Variants in VPS13B observed in about 807,000 individuals in gnomAD.
The protein encoded by VPS13B is intermembrane lipid transfer protein VPS13B.
VPS13B carries 285 observed loss-of-function variants against 426.4 expected under a neutral mutation model. The ratio of observed to expected loss-of-function variants is 0.67; its 90% CI spans 0.61 to 0.74. The LOEUF (loss-of-function observed/expected upper bound fraction) is 0.74. Ranked by LOEUF, VPS13B falls within the 30% of genes least tolerant of loss-of-function variation. The pLI is 0.00. For missense variants in VPS13B, 4,537 were observed against 4,782.6 expected (o/e 0.95, Z 1.51); for synonymous variants, 1,676 against 1,676.4 (o/e 1.00, Z 0.01).
chr8:99,603,757 G>A (rs1827435053), intron 33 of VPS13B, among the ~76,000 whole-genome samples: 1 of 152,138 alleles, frequency 6.6e-6, no homozygotes, highest in Middle Eastern at 3.2e-3. Context: ...ACCATAGAAA[G>A]TAAAACCATG....
chr8:99,490,273 C>A (rs1310133359), intron 25 of VPS13B, among the ~76,000 whole-genome samples: 3 of 152,110 alleles, frequency 2.0e-5, no homozygotes, highest in Non-Finnish European at 4.4e-5. Flanking sequence ...GGTGGATAAG[C>A]TTTTTGGTGT....
At chr8:99,784,497 C>T in intron 43 of VPS13B, 21 bp downstream of exon 43, 1 of 1,613,392 alleles carries the variant, frequency 6.2e-7, no homozygotes, top group Non-Finnish European at 8.5e-7. Flanking sequence ...AACACCCTTA[C>T]AAACAGCCAT....
intron 19 of VPS13B, 35 bp downstream of exon 19, chr8:99,275,289 C>G: frequency 8.4e-7 from 1 of 1,195,392 alleles, no homozygotes; most frequent in Non-Finnish European, 1.1e-6. Context: ...CCTTGTTTTG[C>G]TTTTTTTTTT....
intron 3 of VPS13B, among the ~76,000 whole-genome samples, chr8:99,086,114 G>T (rs111455686): frequency 1.5e-3 from 228 of 152,108 alleles, no homozygotes; most frequent in African/African-American, 5.1e-3. Context: ...CATAGATTTG[G>T]TTTTTTCACA....
At chr8:99,868,675 C>G (rs1424554471) in intron 59 of VPS13B, among the ~76,000 whole-genome samples, 2 of 152,130 alleles carry the variant, frequency 1.3e-5, no homozygotes, top group Non-Finnish European at 2.9e-5. Context: ...GTCTATATGT[C>G]GTAGAATCTT....
chr8:99,021,013 A>T (rs1841856750), intron 2 of VPS13B, among the ~76,000 whole-genome samples: 1 of 152,204 alleles, frequency 6.6e-6, no homozygotes, highest in South Asian at 2.1e-4. Context: ...TGGTGTTGTC[A>T]GTTTTGGTGA....
rs190584026 is a variant in VPS13B at position 99,831,028 on chromosome 8, C to T, written c.9331-1341C>T. Among the ~76,000 whole-genome samples the T allele has an allele frequency of 1.5e-4, 22 of 147,314 alleles. No individual in the cohort carries two copies. In the East Asian group the frequency reaches 3.8e-3, roughly 26 times the overall value. On this transcript the variant is annotated intron_variant, in intron 51 of 61. Coordinates refer to ENST00000357162, the MANE Select transcript of VPS13B (RefSeq NM_152564.5). ...GTTGGTCTCGCTGGGAGCTGCAGAA[C>T]GGAGCTGTTCCTATTCAGCCATCTT...
intron 12 of VPS13B, among the ~76,000 whole-genome samples, chr8:99,140,506 C>T (rs1340477951): frequency 6.6e-6 from 1 of 151,680 alleles, no homozygotes; most frequent in Non-Finnish European, 1.5e-5. Context: ...TAAGTTTCCT[C>T]TGCTACTATT....
chr8:99,116,279 G>A (rs1161212484), intron 7 of VPS13B, among the ~76,000 whole-genome samples: 4 of 151,280 alleles, frequency 2.6e-5, no homozygotes, highest in Non-Finnish European at 5.9e-5. Context: ...TGATCTGCCC[G>A]CCTCAGCCTC....
intron 21 of VPS13B, among the ~76,000 whole-genome samples, chr8:99,413,537 C>T (rs191942762): frequency 2.6e-4 from 40 of 151,986 alleles, no homozygotes; most frequent in Admixed American, 7.9e-4. Context: ...TATTTATTTT[C>T]GATCTTTTCT....
chr8:99,430,624 T>C (rs1817040363), intron 21 of VPS13B, among the ~76,000 whole-genome samples: 1 of 152,094 alleles, frequency 6.6e-6, no homozygotes, highest in Admixed American at 6.6e-5. Flanking sequence ...ATATAGGGAG[T>C]GGAATATTAC....
rs1299093093 is a variant in VPS13B, at chr8:99,846,281, TGTTA to T, written c.9943-2491_9943-2488del. 3.3e-5 allele frequency among the ~76,000 whole-genome samples: 5 copies of T among 152,302 alleles called. No homozygotes were observed. The East Asian group carries it at 7.7e-4, about 23-fold the overall frequency. Reference sequence around the variant, plus strand: ...ATTTTATACACCTGTGGTCTGGAATTGTTAGTTGTCATCTCATTGTTTGTGTACT... The same window carrying T: ...ATTTTATACACCTGTGGTCTGGAATTGTTGTCATCTCATTGTTTGTGTACT... On this transcript the variant is annotated intron_variant, in intron 54 of 61. Coordinates refer to ENST00000357162, the MANE Select transcript of VPS13B (RefSeq NM_152564.5).
At chr8:99,606,624 C>CTTTTTTTTTTTTTTTTTTTT (rs1193844207) in intron 33 of VPS13B, among the ~76,000 whole-genome samples, 2 of 137,238 alleles carry the variant, frequency 1.5e-5, no homozygotes, top group African/African-American at 2.6e-5. Flanking sequence ...TTTTCTTTTT[C>CTTTTTTTTTTTTTTTTTTTT]TTTTCTTTTT....
intron 30 of VPS13B, among the ~76,000 whole-genome samples, chr8:99,551,210 T>C (rs1824263968): frequency 6.6e-6 from 1 of 152,006 alleles, no homozygotes; most frequent in Admixed American, 6.6e-5. Flanking sequence ...TTTAGAATTG[T>C]CTTAACCTCC....
intron 14 of VPS13B, among the ~76,000 whole-genome samples, chr8:99,150,303 T>G (rs943675682): frequency 1.3e-5 from 2 of 152,004 alleles, no homozygotes; most frequent in Admixed American, 6.6e-5. Flanking sequence ...ATAAACTGAC[T>G]CCCCCCACGT....
At chr8:99,475,653 G>C (rs1466741445) in intron 24 of VPS13B, among the ~76,000 whole-genome samples, 1 of 152,134 alleles carries the variant, frequency 6.6e-6, no homozygotes, top group Non-Finnish European at 1.5e-5. Flanking sequence ...AGATTTTGTT[G>C]TTGTTTAAAT....
At chr8:99,816,092 T>TTCTCTC (rs570168760) in intron 44 of VPS13B, among the ~76,000 whole-genome samples, 1 of 151,318 alleles carries the variant, frequency 6.6e-6, no homozygotes, top group Non-Finnish European at 1.5e-5. Flanking sequence ...CCCATTTGTT[T>TTCTCTC]TCTCTCTCTC....
intron 19 of VPS13B, among the ~76,000 whole-genome samples, chr8:99,284,532 A>C (rs1399339708): frequency 6.6e-6 from 1 of 152,144 alleles, no homozygotes; most frequent in Non-Finnish European, 1.5e-5. Flanking sequence ...ACTTTGAGCA[A>C]GTAAACCTTT....
At chr8:99,225,041 T>C (rs950718369) in intron 17 of VPS13B, among the ~76,000 whole-genome samples, 5 of 152,222 alleles carry the variant, frequency 3.3e-5, no homozygotes, top group Admixed American at 6.5e-5. Context: ...TTGACATACG[T>C]AGAACTCTCT....
Sources: allele counts gnomAD v4.1 joint callset (sites outside exome capture counted in the v4.1 genomes callset), GRCh38; gene constraint gnomAD v4.1.1; transcripts MANE v1.5; gene names NCBI Gene and HGNC (gene_info 2026-07-23, HGNC 2026-07-21).